The following TEK variants were observed in gnomAD, a reference collection of about 807,000 sequenced individuals.
TEK encodes the protein angiopoietin-1 receptor.
A neutral mutation model predicts 131.8 loss-of-function variants in TEK; 43 were observed. That is an observed-to-expected ratio of 0.33 (90% CI 0.26 to 0.42). TEK has a LOEUF of 0.42. TEK is among the 10% of genes least tolerant of loss of function. The pLI is 1.00. For synonymous variants in TEK, 580 were observed against 491.6 expected (o/e 1.18, Z -2.38); for missense variants, 1,162 against 1,384.4 (o/e 0.84, Z 2.55).
rs192854001 is a variant in TEK, at chr9:27,168,649, T to C, written c.475+44T>C. ...GCTTTCCCCAGTATGATGTGAGATA[T>C]CAGATAACATACAACATATTGAATC... On this transcript the variant is annotated intron_variant, in intron 3 of 22. Coordinates refer to ENST00000380036, the MANE Select transcript of TEK (RefSeq NM_000459.5). The C allele has an allele frequency of 6.8e-5, 89 of 1,315,568 alleles. No individual in the cohort carries two copies. In the African/African-American group the frequency reaches 1.2e-3, roughly 18 times the overall value. The allele number at this position is 1,315,568 out of a possible 1,614,324, so 81.5% of individuals were successfully genotyped here.
chr9:27,213,074 A>G (rs1825693371), intron 17 of TEK, among the ~76,000 whole-genome samples, 177 bp downstream of exon 17: 3 of 151,998 alleles, frequency 2.0e-5, no homozygotes, highest in African/African-American at 7.3e-5. Context: ...TACTGACAAT[A>G]TGTTTATCTA....
At chr9:27,214,937 A>C (rs116109807) in intron 18 of TEK, among the ~76,000 whole-genome samples, 1 of 152,226 alleles carries the variant, frequency 6.6e-6, no homozygotes, top group African/African-American at 2.4e-5. Flanking sequence ...TGTTTTCTTA[A>C]AGAAGCAGAA....
chr9:27,187,018 G>A (rs1486660818), intron 9 of TEK, among the ~76,000 whole-genome samples: 6 of 152,132 alleles, frequency 3.9e-5, no homozygotes, highest in African/African-American at 1.4e-4. Flanking sequence ...CTTGCATCTT[G>A]AATGTTCTTG....
chr9:27,115,176 A>G (rs10967721), intron 1 of TEK, among the ~76,000 whole-genome samples: 1,562 of 152,284 alleles, frequency 0.01, 13 homozygotes, highest in Non-Finnish European at 0.016. Flanking sequence ...ATTGGGTCCA[A>G]TGATACAAAA....
intron 2 of TEK, among the ~76,000 whole-genome samples, chr9:27,164,930 C>A (rs1441544421): frequency 6.6e-6 from 1 of 152,286 alleles, no homozygotes; most frequent in African/African-American, 2.4e-5. Context: ...CTAGTCAAGT[C>A]ACATAACATC....
intron 18 of TEK, 88 bp downstream of exon 18, chr9:27,213,685 T>C: frequency 1.0e-6 from 1 of 980,384 alleles, no homozygotes; most frequent in East Asian, 2.5e-5. Flanking sequence ...CAGTGCTCTG[T>C]GGTGACTGAA....
At chr9:27,175,506 A>G (rs1824133752) in intron 6 of TEK, among the ~76,000 whole-genome samples, 1 of 152,128 alleles carries the variant, frequency 6.6e-6, no homozygotes, top group Non-Finnish European at 1.5e-5. Flanking sequence ...TATACCCAGT[A>G]ATGGGGTGGC....
chr9:27,141,848 A>C (rs1205000935), intron 1 of TEK, among the ~76,000 whole-genome samples: 1 of 152,248 alleles, frequency 6.6e-6, no homozygotes, highest in Non-Finnish European at 1.5e-5. Context: ...TTCTTTAATT[A>C]AAAAAGAAAC....
At chr9:27,191,810 C>A (rs1824833571) in intron 10 of TEK, 2 of 391,844 alleles carry the variant, frequency 5.1e-6, no homozygotes, top group Non-Finnish European at 9.9e-6. Context: ...AATCCATCAC[C>A]TTTGTCTACA....
chr9:27,127,937 T>C (rs924952918), intron 1 of TEK, among the ~76,000 whole-genome samples: 1 of 152,226 alleles, frequency 6.6e-6, no homozygotes, highest in African/African-American at 2.4e-5. Flanking sequence ...GCCTGTCCAC[T>C]CTGATGGTAG....
At chr9:27,192,839 C>T (rs544808662) in intron 11 of TEK, among the ~76,000 whole-genome samples, 2 of 152,262 alleles carry the variant, frequency 1.3e-5, no homozygotes, top group South Asian at 4.1e-4. Context: ...TGGTCTGTCT[C>T]CCTGGGGGAG....
At chr9:27,195,504 C>A (rs1293068164) in intron 11 of TEK, among the ~76,000 whole-genome samples, 2 of 152,152 alleles carry the variant, frequency 1.3e-5, no homozygotes, top group Non-Finnish European at 2.9e-5. Flanking sequence ...CTGAAATTTT[C>A]TCATACACTA....
chr9:27,182,261 C>T (rs943725888), intron 7 of TEK, among the ~76,000 whole-genome samples: 1 of 152,140 alleles, frequency 6.6e-6, no homozygotes, highest in African/African-American at 2.4e-5. Context: ...AGCTCCCTTC[C>T]CAGATTCCAC....
intron 1 of TEK, among the ~76,000 whole-genome samples, chr9:27,143,047 T>G (rs1822786457): frequency 6.6e-6 from 1 of 152,188 alleles, no homozygotes. Context: ...AAAGAGCCGC[T>G]CTAGGGAGGT....
intron 1 of TEK, among the ~76,000 whole-genome samples, chr9:27,125,588 C>T (rs980370620): frequency 1.3e-5 from 2 of 152,170 alleles, no homozygotes; most frequent in Admixed American, 1.3e-4. Context: ...TGGGTTGGAG[C>T]CCCATTCAAA....
intron 2 of TEK, 96 bp from the exon 3 acceptor site, chr9:27,168,399 A>G: frequency 1.1e-6 from 1 of 902,252 alleles, no homozygotes. Context: ...GACACCTAGC[A>G]AGTGCCAGCC....
chr9:27,121,970 C>T (rs763179524), intron 1 of TEK, among the ~76,000 whole-genome samples: 5 of 152,180 alleles, frequency 3.3e-5, no homozygotes, highest in East Asian at 1.9e-4. Context: ...AGCACCGTCA[C>T]GGATTCTAAT....
chr9:27,140,755 CA>C (rs1483893489), intron 1 of TEK, among the ~76,000 whole-genome samples: 3 of 152,192 alleles, frequency 2.0e-5, no homozygotes, highest in Admixed American at 6.5e-5. Flanking sequence ...GTTTTCCTTA[CA>C]TTTTTTTGCT....
chr9:27,164,369 G>C (rs1823650680), intron 2 of TEK, among the ~76,000 whole-genome samples: 1 of 150,908 alleles, frequency 6.6e-6, no homozygotes, highest in South Asian at 2.1e-4. Context: ...ACTGAGGCTG[G>C]AGTGCAGTGG....
Sources: allele counts gnomAD v4.1 joint callset (sites outside exome capture counted in the v4.1 genomes callset), GRCh38; gene constraint gnomAD v4.1.1; transcripts MANE v1.5; gene names NCBI Gene and HGNC (gene_info 2026-07-23, HGNC 2026-07-21).